The following FOXP1 variants were observed in gnomAD, a reference collection of about 807,000 sequenced individuals.
FOXP1 encodes the protein forkhead box protein P1.
FOXP1 carries 15 observed loss-of-function variants against 98.2 expected under a neutral mutation model. The observed-to-expected ratio is 0.15, with a 90% CI of 0.10 to 0.24. The LOEUF (loss-of-function observed/expected upper bound fraction) is 0.24. Ranked by LOEUF, FOXP1 falls within the 10% of genes least tolerant of loss-of-function variation. The pLI is 1.00. For missense variants in FOXP1, 633 were observed against 848.5 expected (o/e 0.75, Z 3.15); for synonymous variants, 371 against 314.5 (o/e 1.18, Z -1.90).
At chr3:71,566,166 C>T (rs542204532) in intron 2 of FOXP1, among the ~76,000 whole-genome samples, 3 of 152,284 alleles carry the variant, frequency 2.0e-5, no homozygotes, top group Admixed American at 1.3e-4. Context: ...GCTGAATGTG[C>T]GTCTCACGGG....
chr3:70,991,945 GC>G (rs2040668723), intron 13 of FOXP1, among the ~76,000 whole-genome samples: 1 of 152,192 alleles, frequency 6.6e-6, no homozygotes, highest in Non-Finnish European at 1.5e-5. Context: ...CTGCTCTCAT[GC>G]TGAACTACTG....
intron 4 of FOXP1, among the ~76,000 whole-genome samples, chr3:71,330,107 C>G (rs1197926478): frequency 6.6e-6 from 1 of 152,180 alleles, no homozygotes; most frequent in Non-Finnish European, 1.5e-5. Flanking sequence ...ACATGTATAA[C>G]TCTTCCTCCT....
At chr3:71,448,973 T>C (rs577906051) in intron 3 of FOXP1, among the ~76,000 whole-genome samples, 1 of 152,176 alleles carries the variant, frequency 6.6e-6, no homozygotes, top group Non-Finnish European at 1.5e-5. Flanking sequence ...CTAGCTCCAA[T>C]GAAATCAAAG....
rs186574244 is a variant in FOXP1, at chr3:71,414,792, T to C, written c.-167-55548A>G. On this transcript the variant is annotated intron_variant, in intron 3 of 20. Transcript: ENST00000649528. Reference sequence around the variant, plus strand: ...TGACTAAAAAGACAATCACAGAGCATGCAAAATAAAAATGATAACTTAGAT... The same window carrying C: ...TGACTAAAAAGACAATCACAGAGCACGCAAAATAAAAATGATAACTTAGAT... 2.4e-4 allele frequency among the ~76,000 whole-genome samples: 37 copies of C among 152,316 alleles called. No individual in the cohort carries two copies. The South Asian group carries it at 4.3e-3, about 18-fold the overall frequency.
intron 2 of FOXP1, among the ~76,000 whole-genome samples, chr3:71,562,228 C>T (rs1208160204): frequency 6.6e-6 from 1 of 152,230 alleles, no homozygotes; most frequent in Non-Finnish European, 1.5e-5. Context: ...AGGGCAACCA[C>T]AGTAGTGCCT....
intron 20 of FOXP1, among the ~76,000 whole-genome samples, chr3:70,960,269 A>G (rs2033027952): frequency 6.6e-6 from 1 of 152,200 alleles, no homozygotes; most frequent in Admixed American, 6.5e-5. Context: ...ACACAACAAT[A>G]TGATAAGAAA....
At position 71,563,131 on chromosome 3, in the gene FOXP1, G is replaced by T. The variant is rs74565292; in HGVS notation, c.-298+18418C>A. ...TGTGTATGTGTGTGACTGTGGCCAG[G>T]GAGTGGCTGGGGAGGAGCAAGCTGA... On this transcript the variant is annotated intron_variant, in intron 2 of 20. Coordinates refer to ENST00000649528, the MANE Select transcript of FOXP1 (RefSeq NM_001349338.3). Among the ~76,000 whole-genome samples the T allele has an allele frequency of 7.7e-3, 1,168 of 152,284 alleles. 28 individuals carry two copies. The highest frequency in any genetic ancestry group is 0.042 in the Admixed American group (637 of 15,294).
chr3:71,010,968 T>C (rs7626623), intron 12 of FOXP1, among the ~76,000 whole-genome samples: 12,911 of 152,090 alleles, frequency 0.085, 615 homozygotes, highest in African/African-American at 0.14. Flanking sequence ...GATTTCCCTT[T>C]AGACTGAACA....
intron 2 of FOXP1, among the ~76,000 whole-genome samples, chr3:71,565,158 G>C (rs1280583705): frequency 6.6e-6 from 1 of 152,118 alleles, no homozygotes; most frequent in Non-Finnish European, 1.5e-5. Flanking sequence ...GGGCTATACA[G>C]ATACCAATGT....
intron 11 of FOXP1, among the ~76,000 whole-genome samples, chr3:71,030,222 T>C (rs2046678549): frequency 6.6e-6 from 1 of 152,192 alleles, no homozygotes; most frequent in Non-Finnish European, 1.5e-5. Flanking sequence ...TGGGTTCTGA[T>C]AGGAGGCTAA....
intron 7 of FOXP1, among the ~76,000 whole-genome samples, chr3:71,067,922 TA>T (rs1213957684): frequency 1.1e-5 from 1 of 89,416 alleles, no homozygotes; most frequent in African/African-American, 4.1e-5. Flanking sequence ...TCTTAAAAAA[TA>T]AAAAATAAAA....
At chr3:71,453,514 T>A (rs1337282284) in intron 3 of FOXP1, among the ~76,000 whole-genome samples, 2 of 152,160 alleles carry the variant, frequency 1.3e-5, no homozygotes, top group African/African-American at 4.8e-5. Context: ...TGTAATAGGA[T>A]TTCAACACAG....
In FOXP1 at chr3:71,015,557, T is replaced by A. The variant is rs375403534; in HGVS notation, c.966A>T (p.Ser322=). Residue 322 remains serine, a synonymous_variant, in exon 12 of 21, where the codon TCA becomes TCT. Transcript: ENST00000649528. ...AATAAAATCATTCTTACTTTAGAAA[T>A]GATTGGAAATCTTCGCACACTGCTT... ...GCEAVCEDFQ[S]FLKHLNSEHA... The A allele has an allele frequency of 4.4e-6, 7 of 1,605,432 alleles. No homozygotes were observed. The African/African-American group carries it at 6.7e-5, about 15-fold the overall frequency.
At chr3:71,581,839 G>T (rs1358433640) in intron 1 of FOXP1, 142 bp from the exon 2 acceptor site, 1 of 986,302 alleles carries the variant, frequency 1.0e-6, no homozygotes, top group South Asian at 4.7e-5. Flanking sequence ...GCGAGTGCGC[G>T]TGGAGGGAAG....
chr3:71,472,070 G>A (rs767331825), intron 3 of FOXP1, among the ~76,000 whole-genome samples: 1 of 152,280 alleles, frequency 6.6e-6, no homozygotes, highest in African/African-American at 2.4e-5. Flanking sequence ...GATGCTAGAA[G>A]GTACGTTTTA....
chr3:70,958,973 C>T lies in FOXP1; in HGVS notation c.*274G>A, dbSNP rs918782095. 21 of 451,636 alleles carry T rather than the reference C, an allele frequency of 4.6e-5. No homozygotes were observed. The highest frequency in any genetic ancestry group is 3.2e-4 in the Admixed American group (9 of 28,524). 28.0% of individuals were successfully genotyped at this position (451,636 alleles called of 1,614,324 possible). ...AGCAAATTTACAACACTGATGTTGA[C>T]GGTTAAGAGAGGAAAATCCCAAGTA... On this transcript the variant is annotated 3_prime_UTR_variant, in exon 21 of 21. Transcript: ENST00000649528.
At chr3:71,048,426 T>C (rs1050426850) in intron 9 of FOXP1, among the ~76,000 whole-genome samples, 24 of 152,226 alleles carry the variant, frequency 1.6e-4, no homozygotes, top group African/African-American at 5.5e-4. Flanking sequence ...TCATGTAGTT[T>C]ATTTTACAGT....
chr3:71,121,820 G>C (rs2058796636), intron 6 of FOXP1, among the ~76,000 whole-genome samples: 1 of 152,190 alleles, frequency 6.6e-6, no homozygotes, highest in Non-Finnish European at 1.5e-5. Flanking sequence ...CTCTGTTTAA[G>C]ACTAGATTGT....
At chr3:71,086,713 G>A (rs2055139139) in intron 7 of FOXP1, among the ~76,000 whole-genome samples, 1 of 152,134 alleles carries the variant, frequency 6.6e-6, no homozygotes, top group South Asian at 2.1e-4. Flanking sequence ...CATTTAACAT[G>A]ACCCTGAGCA....
Sources: gnomAD v4.1 joint callset for allele counts (sites outside exome capture counted in the v4.1 genomes callset) on GRCh38, gnomAD v4.1.1 for gene constraint, MANE v1.5 for transcripts, NCBI Gene and HGNC (gene_info 2026-07-23, HGNC 2026-07-21) for gene names.